Variants in TMEM164 observed in about 807,000 individuals in gnomAD.
TMEM164 encodes the protein RP13-360B22.2.
A neutral mutation model predicts 18.8 loss-of-function variants in TMEM164; 4 were observed. The observed-to-expected ratio is 0.21, with a 90% CI of 0.10 to 0.49. TMEM164 has a LOEUF of 0.49. TMEM164 is among the 20% of genes least tolerant of loss of function. TMEM164 has a pLI of 0.98. For synonymous variants in TMEM164, 86 were observed against 101.7 expected (o/e 0.85, Z 0.93); for missense variants, 108 against 239.9 (o/e 0.45, Z 3.63).
intron 3 of TMEM164, among the ~76,000 whole-genome samples, chrX:110,104,654 G>A (rs2066159535): frequency 8.9e-6 from 1 of 111,875 alleles, no homozygotes; most frequent in Non-Finnish European, 1.9e-5. Flanking sequence ...GATAAATGTA[G>A]TACAGTACTC....
intron 2 of TMEM164, among the ~76,000 whole-genome samples, chrX:110,038,071 A>G (rs1160325310): frequency 3.9e-5 from 4 of 101,876 alleles, no homozygotes; most frequent in Non-Finnish European, 7.9e-5. Context: ...GCTCACTGCA[A>G]GCTCCGCCTC....
chrX:110,134,605 C>A (rs1027785063), intron 4 of TMEM164, among the ~76,000 whole-genome samples: 9 of 102,170 alleles, frequency 8.8e-5, no homozygotes, highest in Non-Finnish European at 1.8e-4. Context: ...GCTGCCCCCC[C>A]GCTTAATTAT....
intron 2 of TMEM164, among the ~76,000 whole-genome samples, chrX:110,051,359 G>A (rs755163845): frequency 1.8e-5 from 2 of 110,677 alleles, no homozygotes; most frequent in Non-Finnish European, 1.9e-5. Flanking sequence ...AACTGCCTAC[G>A]TGAGTCTAAT....
At chrX:110,007,245 A>G in intron 2 of TMEM164, among the ~76,000 whole-genome samples, 1 of 112,235 alleles carries the variant, frequency 8.9e-6, no homozygotes, top group Non-Finnish European at 1.9e-5. Flanking sequence ...GTTATTGATT[A>G]ATATTCGTCC....
At chrX:110,108,939 A>G (rs1250960663) in intron 3 of TMEM164, 141 bp from the exon 4 acceptor site, 13 of 528,152 alleles carry the variant, frequency 2.5e-5, no homozygotes, top group Non-Finnish European at 4.2e-5. Flanking sequence ...ATTTTGTGCA[A>G]ACTCCAGTGC....
intron 2 of TMEM164, chrX:110,020,693 C>T: frequency 5.3e-6 from 4 of 753,588 alleles, no homozygotes; most frequent in Non-Finnish European, 6.3e-6. Flanking sequence ...ACAGGCTGGT[C>T]CCTGTGGCCA....
intron 5 of TMEM164, among the ~76,000 whole-genome samples, chrX:110,150,863 G>T (rs1257791027): frequency 9.0e-6 from 1 of 111,133 alleles, no homozygotes; most frequent in Non-Finnish European, 1.9e-5. Flanking sequence ...ATAGAATACA[G>T]TATAATAAAA....
chrX:110,092,785 G>T (rs2065951299), intron 3 of TMEM164, among the ~76,000 whole-genome samples: 1 of 111,876 alleles, frequency 8.9e-6, no homozygotes, highest in South Asian at 3.7e-4. Flanking sequence ...CCTGTCTTGT[G>T]CCAGTTTTCA....
intron 3 of TMEM164, among the ~76,000 whole-genome samples, chrX:110,095,881 C>G (rs2066009705): frequency 8.9e-6 from 1 of 112,409 alleles, no homozygotes; most frequent in South Asian, 3.7e-4. Context: ...GATGTCCTTT[C>G]TGTTTGTCAG....
chrX:110,105,691 C>CACACAG (rs2066181227), intron 3 of TMEM164, among the ~76,000 whole-genome samples: 1 of 99,257 alleles, frequency 1.0e-5, no homozygotes, highest in African/African-American at 3.8e-5. Flanking sequence ...CACACACACA[C>CACACAG]ACACACACAC....
At chrX:110,180,524 T>A (rs2067320074), downstream of TMEM164, among the ~76,000 whole-genome samples, 1 of 98,305 alleles carries the variant, frequency 1.0e-5, no homozygotes, top group African/African-American at 3.9e-5. Context: ...CTGCCTCGCA[T>A]CTGAATTGCA....
At chrX:110,074,235 G>C (rs1325500083) in intron 3 of TMEM164, among the ~76,000 whole-genome samples, 2 of 111,631 alleles carry the variant, frequency 1.8e-5, no homozygotes, top group Non-Finnish European at 3.8e-5. Flanking sequence ...TCATGTGCTT[G>C]TTGGCTGCTT....
At chrX:110,098,278 G>T (rs1466262006) in intron 3 of TMEM164, among the ~76,000 whole-genome samples, 1 of 111,481 alleles carries the variant, frequency 9.0e-6, no homozygotes, top group Non-Finnish European at 1.9e-5. Flanking sequence ...TCCATGGTCT[G>T]TAGGTACCAC....
chrX:110,143,430 TG>T (rs913191338), intron 4 of TMEM164, among the ~76,000 whole-genome samples: 1 of 111,511 alleles, frequency 9.0e-6, no homozygotes, highest in African/African-American at 3.3e-5. Flanking sequence ...CTTTTCCAGC[TG>T]GGGTCTACAG....
intron 5 of TMEM164, among the ~76,000 whole-genome samples, chrX:110,149,722 A>T (rs960905187): frequency 1.8e-5 from 2 of 111,813 alleles, no homozygotes; most frequent in Non-Finnish European, 1.9e-5. Flanking sequence ...CGAGAGTCAC[A>T]TTCATATAGT....
At position 110,077,092 on chromosome X, in the gene TMEM164, CTT is replaced by C. The variant is rs776020780; in HGVS notation, c.440+9700_440+9701del. On this transcript the variant is annotated intron_variant, in intron 3 of 6. Transcript: ENST00000372068. ...ATTATTATTGTGTGGCTATCTAAGT[CTT>C]TTTGTAGGTTTCAAAGTATGTGTTT... is the stretch of plus-strand genomic sequence containing the variant. 1.5e-4 allele frequency among the ~76,000 whole-genome samples: 17 copies of C among 111,962 alleles called. No individual in the cohort carries two copies. The East Asian group carries it at 4.7e-3, about 31-fold the overall frequency.
chrX:110,147,605 C>T (rs185516243), intron 5 of TMEM164, among the ~76,000 whole-genome samples: 1 of 110,870 alleles, frequency 9.0e-6, no homozygotes, highest in East Asian at 2.9e-4. Flanking sequence ...TTACTATTCT[C>T]TCTCTTTTTT....
At chrX:110,077,610 G>A (rs777936827) in intron 3 of TMEM164, among the ~76,000 whole-genome samples, 2 of 112,011 alleles carry the variant, frequency 1.8e-5, no homozygotes, top group Non-Finnish European at 3.8e-5. Context: ...TTGTTCCCAT[G>A]TTTAGAACTC....
chrX:110,139,132 A>C (rs2066732944), intron 4 of TMEM164, among the ~76,000 whole-genome samples: 2 of 112,571 alleles, frequency 1.8e-5, no homozygotes, highest in African/African-American at 3.2e-5. Flanking sequence ...TTGTTTCTTT[A>C]GATGAAAGGT....
Sources: allele counts gnomAD v4.1 joint callset (sites outside exome capture counted in the v4.1 genomes callset), GRCh38; gene constraint gnomAD v4.1.1; transcripts MANE v1.5; gene names NCBI Gene and HGNC (gene_info 2026-07-23, HGNC 2026-07-21).